Variants in HSPH1 observed in about 807,000 individuals in gnomAD.
HSPH1 encodes heat shock protein 105 kDa.
Under a neutral mutation model 100.0 loss-of-function variants are expected in HSPH1, and 40 were observed. The ratio of observed to expected loss-of-function variants is 0.40; its 90% CI spans 0.31 to 0.52. The LOEUF (loss-of-function observed/expected upper bound fraction) is 0.52. HSPH1 is among the 20% of genes least tolerant of loss of function. HSPH1 has a pLI of 0.54. For missense variants in HSPH1, 876 were observed against 1,015.1 expected, an observed-to-expected ratio of 0.86 and a Z score of 1.86; for synonymous variants, 403 against 344.0, an observed-to-expected ratio of 1.17 and a Z score of -1.90.
rs1955982762 is a variant in HSPH1 at position 31,138,918 on chromosome 13, AAATT to A, written c.2089-22_2089-19del. ...CCAATTTTCTAAAATAAAATGTAAT[AAATT>A]AATAGTTATCATAATTTTATTTTAA... On this transcript the variant is annotated intron_variant, in intron 15 of 17. Coordinates refer to ENST00000320027, the MANE Select transcript of HSPH1 (RefSeq NM_006644.4). 1.9e-6 allele frequency: 3 copies of A among 1,582,002 alleles called. No individual in the cohort carries two copies. The highest frequency in any genetic ancestry group is 1.7e-5 in the Admixed American group (1 of 57,794).
chr13:31,145,890 T>TG (rs1956250382), intron 10 of HSPH1, 122 bp from the exon 11 acceptor site: 1 of 786,208 alleles, frequency 1.3e-6, no homozygotes. Flanking sequence ...GAGGCCGTGG[T>TG]GGGTCACTTG....
intron 2 of HSPH1, among the ~76,000 whole-genome samples, chr13:31,156,228 A>G (rs575639102): frequency 1.3e-4 from 20 of 152,194 alleles, no homozygotes; most frequent in Admixed American, 2.6e-4. Context: ...GTCTCTACTA[A>G]AAATACAAAA....
intron 7 of HSPH1, 140 bp downstream of exon 7, chr13:31,150,804 AAAC>A (rs1413777924): frequency 3.8e-6 from 3 of 787,352 alleles, no homozygotes; most frequent in Non-Finnish European, 2.0e-6. Context: ...TAGTGGTGAT[AAAC>A]AACAGCATCT....
intron 11 of HSPH1, 25 bp from the exon 12 acceptor site, chr13:31,143,948 G>C: frequency 6.4e-7 from 1 of 1,560,924 alleles, no homozygotes; most frequent in Non-Finnish European, 8.7e-7. Flanking sequence ...CAGGCACAAA[G>C]GATGTAGAAA....
intron 1 of HSPH1, among the ~76,000 whole-genome samples, chr13:31,160,162 TTTTC>T (rs1956844768): frequency 1.3e-5 from 2 of 152,212 alleles, no homozygotes; most frequent in Non-Finnish European, 2.9e-5. Context: ...TCTGAAAAGC[TTTTC>T]TTTGTTTTAT....
intron 6 of HSPH1, 185 bp downstream of exon 6, chr13:31,151,424 G>C (rs1956482729): frequency 1.8e-5 from 12 of 680,020 alleles, no homozygotes; most frequent in South Asian, 2.2e-5. Context: ...GAACACTTAA[G>C]AGTATGCTAA....
At position 31,155,634 on chromosome 13, in the gene HSPH1, A is replaced by G. The variant is rs1462370197; in HGVS notation, c.186T>C (p.Asn62=). The G allele has an allele frequency of 9.3e-6, 15 of 1,607,350 alleles. No homozygotes were observed. The Admixed American group carries it at 2.4e-4, about 25-fold the overall frequency. ...AKNQQITHAN[N]TVSNFKRFHG... ...GAAATCTTTTGAAGTTAGACACCGT[A>G]TTGTTTGCATGAGTGATTTGCTGCA... The change falls in exon 3 of 18, where the codon AAT becomes AAC. Residue 62 remains asparagine, a synonymous_variant. Coordinates refer to ENST00000320027, the MANE Select transcript of HSPH1 (RefSeq NM_006644.4).
upstream of HSPH1, chr13:31,162,336 G>T (rs1361024096): frequency 7.0e-6 from 4 of 575,198 alleles, no homozygotes; most frequent in Non-Finnish European, 1.2e-5. Context: ...TGGGGAGGCC[G>T]GCCAGCTGTC....
At chr13:31,143,768 G>GATA in intron 12 of HSPH1, 24 bp downstream of exon 12, 1 of 1,585,472 alleles carries the variant, frequency 6.3e-7, no homozygotes, top group African/African-American at 1.4e-5. Context: ...TTGTCTAATG[G>GATA]AATGAACTAG....
chr13:31,161,947 A>T (rs1263951953), upstream of HSPH1: 2 of 1,535,826 alleles, frequency 1.3e-6, no homozygotes, highest in South Asian at 2.4e-5. Flanking sequence ...TATCGCACTG[A>T]TCAGAACTTT....
intron 1 of HSPH1, among the ~76,000 whole-genome samples, chr13:31,160,265 C>A (rs528699451): frequency 6.6e-6 from 1 of 152,110 alleles, no homozygotes; most frequent in Non-Finnish European, 1.5e-5. Flanking sequence ...ATTAAAAAAA[C>A]CTTAACCAAA....
Position 31,147,908 on chromosome 13 carries a change from GAAGCT to G in HSPH1, c.1378+46_1378+50del, listed in dbSNP as rs566540911. The G allele has an allele frequency of 2.4e-5, 36 of 1,471,700 alleles. No homozygotes were observed. In the African/African-American group the frequency reaches 5.1e-4, roughly 21 times the overall value. 91.2% of individuals were successfully genotyped at this position (1,471,700 alleles called of 1,614,324 possible). ...CTTTTAAAGTTTGTACAATGAGTGA[GAAGCT>G]AAGTCTTTAACTAAAAGAGTAAAAT... On this transcript the variant is annotated intron_variant, in intron 10 of 17. Coordinates refer to ENST00000320027, the MANE Select transcript of HSPH1 (RefSeq NM_006644.4).
Position 31,147,982 on chromosome 13 carries a change from A to C in HSPH1, c.1355T>G (p.Val452Gly). ...ACCTATTTTTGCTTCTGGATATGGA[A>C]CTCCTTGGGGATCAGAATAGAAAGC... ...LEAFYSDPQGVPYPEAKIGRF... is the reference protein window; with the variant it reads ...LEAFYSDPQGGPYPEAKIGRF... The change falls in exon 10 of 18, where the codon GTT becomes GGT. Residue 452 changes from valine (V) to glycine (G), a missense_variant. Val to Gly is a moderately radical substitution (Grantham distance 109). Transcript: ENST00000320027. 6.3e-7 allele frequency: 1 copy of C among 1,596,988 alleles called. No individual in the cohort carries two copies.
rs769880709 is a variant in HSPH1 at position 31,155,546 on chromosome 13, C to T, written c.274G>A (p.Val92Ile). The change falls in exon 3 of 18, where the codon GTT becomes ATT. Residue 92 changes from valine to isoleucine, a missense_variant. Transcript: ENST00000320027. ...KEKENLSYDL[V>I]PLKNGGVGIK... ...CCAACTCCACCATTTTTCAATGGAA[C>T]CAAATCGTAACTCAAGTTTTCCTTC... 4.3e-6 allele frequency: 7 copies of T among 1,611,282 alleles called. No individual in the cohort carries two copies. In the South Asian group the frequency reaches 7.7e-5, roughly 18 times the overall value.
Position 31,138,916 on chromosome 13 carries a change from AT to A in HSPH1, c.2089-17del. ...TGCCAATTTTCTAAAATAAAATGTA[AT>A]AAATTAATAGTTATCATAATTTTAT... On this transcript the variant is annotated splice_polypyrimidine_tract_variant and intron_variant, in intron 15 of 17. Coordinates refer to ENST00000320027, the MANE Select transcript of HSPH1 (RefSeq NM_006644.4). The A allele has an allele frequency of 6.3e-7, 1 of 1,586,904 alleles. No individual in the cohort carries two copies. The highest frequency in any genetic ancestry group is 1.7e-5 in the Admixed American group (1 of 58,386).
At chr13:31,159,341 A>C (rs79634343) in intron 1 of HSPH1, among the ~76,000 whole-genome samples, 4,092 of 152,276 alleles carry the variant, frequency 0.027, 194 homozygotes, top group African/African-American at 0.094. Context: ...AAATGAACCC[A>C]AGTTACACCT....
At chr13:31,160,035 A>C (rs759659860) in intron 1 of HSPH1, among the ~76,000 whole-genome samples, 4 of 152,194 alleles carry the variant, frequency 2.6e-5, no homozygotes, top group Admixed American at 6.5e-5. Flanking sequence ...AGTTTAACAA[A>C]CATATTAAGG....
chr13:31,155,757 A>G (rs544828867), intron 2 of HSPH1, 103 bp from the exon 3 acceptor site: 15 of 906,872 alleles, frequency 1.7e-5, no homozygotes, highest in Middle Eastern at 3.4e-4. Flanking sequence ...AACCAATCCT[A>G]TGAGTGCACA....
chr13:31,144,905 C>T (rs1000538903), intron 11 of HSPH1, among the ~76,000 whole-genome samples: 6 of 152,220 alleles, frequency 3.9e-5, no homozygotes, highest in East Asian at 1.9e-4. Context: ...CACTAGATAA[C>T]GCACTTTCTC....
Sources: allele counts gnomAD v4.1 joint callset (sites outside exome capture counted in the v4.1 genomes callset), GRCh38; gene constraint gnomAD v4.1.1; transcripts MANE v1.5; gene names NCBI Gene and HGNC (gene_info 2026-07-23, HGNC 2026-07-21).